CCDC178: variants seen among roughly 807,000 people sequenced by gnomAD.
The protein encoded by CCDC178 is coiled-coil domain containing 178.
A neutral mutation model predicts 117.4 loss-of-function variants in CCDC178; 126 were observed. The observed-to-expected ratio is 1.07, with a 90% CI of 0.93 to 1.24. The LOEUF (loss-of-function observed/expected upper bound fraction) is 1.24, where lower values mean the gene tolerates loss of function less well. Ranked by LOEUF, CCDC178 falls within the 50% of genes most tolerant of loss-of-function variation. CCDC178 has a pLI of 0.00. For missense variants in CCDC178, 1,030 were observed against 986.9 expected (o/e 1.04, Z -0.59); for synonymous variants, 283 against 313.4 (o/e 0.90, Z 1.02).
Position 32,937,703 on chromosome 18 carries a change from G to T in CCDC178, c.*308C>A, listed in dbSNP as rs562875346. ...GAAGCGAACAGTCACTGTCAACACC[G>T]CCAGTAATTATTCTCTCTTCCAATT... is the stretch of plus-strand genomic sequence containing the variant. On this transcript the variant is annotated 3_prime_UTR_variant, in exon 23 of 23. Transcript: ENST00000383096. 9.9e-6 allele frequency: 3 copies of T among 302,800 alleles called. No homozygotes were observed. Among genetic ancestry groups the T allele is most frequent in the Non-Finnish European group, 1.9e-5 (3 of 161,644 alleles). The allele number at this position is 302,800 out of a possible 1,614,324, so 18.8% of individuals were successfully genotyped here. A position where few individuals can be genotyped will look rare whatever the true frequency, so the allele number is the denominator to read the frequency against.
intron 21 of CCDC178, among the ~76,000 whole-genome samples, chr18:33,065,051 C>T (rs994018890): frequency 6.8e-6 from 1 of 147,548 alleles, no homozygotes; most frequent in Non-Finnish European, 1.5e-5. Context: ...AAAGAGTTGA[C>T]ATTGTAGAAG....
intron 4 of CCDC178, 142 bp from the exon 5 acceptor site, chr18:33,389,771 A>C: frequency 2.5e-6 from 1 of 407,912 alleles, no homozygotes; most frequent in East Asian, 3.9e-5. Flanking sequence ...ATTAATCAAA[A>C]TCCACAGTAG....
chr18:33,074,716 G>C (rs2057174665), intron 21 of CCDC178, among the ~76,000 whole-genome samples: 1 of 152,104 alleles, frequency 6.6e-6, no homozygotes. Context: ...AAATATGGTT[G>C]AGCTATTGAG....
chr18:33,221,495 G>A (rs759347842), intron 18 of CCDC178, among the ~76,000 whole-genome samples: 2 of 152,066 alleles, frequency 1.3e-5, no homozygotes, highest in African/African-American at 2.4e-5. Context: ...AATACTGGGC[G>A]GAAAGGCAAA....
chr18:33,400,854 T>A (rs1284996153), intron 3 of CCDC178, among the ~76,000 whole-genome samples: 1 of 152,238 alleles, frequency 6.6e-6, no homozygotes, highest in Non-Finnish European at 1.5e-5. Flanking sequence ...TTTCAGTCTA[T>A]CTCAGCTTTC....
intron 21 of CCDC178, among the ~76,000 whole-genome samples, chr18:32,996,508 C>T (rs2055511762): frequency 6.6e-6 from 1 of 151,720 alleles, no homozygotes. Flanking sequence ...ATATCCTCAG[C>T]TTATATTATA....
At chr18:33,332,670 G>A (rs2062685329) in intron 10 of CCDC178, among the ~76,000 whole-genome samples, 1 of 151,972 alleles carries the variant, frequency 6.6e-6, no homozygotes, top group African/African-American at 2.4e-5. Flanking sequence ...CAACCTCCAG[G>A]GGTCAAGCAA....
intron 9 of CCDC178, among the ~76,000 whole-genome samples, chr18:33,337,812 G>T (rs1352501211): frequency 1.3e-5 from 2 of 152,098 alleles, no homozygotes; most frequent in Non-Finnish European, 2.9e-5. Context: ...GATTCTAGAA[G>T]ATAACACTAG....
chr18:33,075,632 G>C (rs183808459), intron 21 of CCDC178, among the ~76,000 whole-genome samples: 1 of 152,118 alleles, frequency 6.6e-6, no homozygotes, highest in East Asian at 1.9e-4. Context: ...GAAATAACTT[G>C]ACTAGATACA....
At chr18:33,438,699 T>G (rs2144996447) in intron 2 of CCDC178, among the ~76,000 whole-genome samples, 1 of 152,158 alleles carries the variant, frequency 6.6e-6, no homozygotes, top group East Asian at 1.9e-4. Context: ...AAATAATCAG[T>G]CCAATTCTCT....
chr18:33,295,331 A>G (rs1182254244), intron 11 of CCDC178, among the ~76,000 whole-genome samples: 1 of 152,154 alleles, frequency 6.6e-6, no homozygotes. Context: ...CTAAATATAA[A>G]TTGTAAACCT....
intron 20 of CCDC178, among the ~76,000 whole-genome samples, chr18:33,094,365 T>C (rs1035074308): frequency 1.3e-5 from 2 of 152,008 alleles, no homozygotes; most frequent in Non-Finnish European, 2.9e-5. Context: ...AAGATAGCTA[T>C]ACTAATTTAA....
chr18:33,413,455 C>T (rs190699573), intron 2 of CCDC178, among the ~76,000 whole-genome samples: 1 of 151,380 alleles, frequency 6.6e-6, no homozygotes, highest in East Asian at 1.9e-4. Context: ...TCTTCTACTA[C>T]ACAAAATTAC....
intron 20 of CCDC178, among the ~76,000 whole-genome samples, chr18:33,117,470 C>T (rs539073901): frequency 2.0e-5 from 3 of 152,096 alleles, no homozygotes; most frequent in South Asian, 2.1e-4. Flanking sequence ...GGCAACATTC[C>T]CTGAGGTGAC....
At chr18:33,425,681 T>G (rs1207017862) in intron 2 of CCDC178, among the ~76,000 whole-genome samples, 1 of 152,178 alleles carries the variant, frequency 6.6e-6, no homozygotes, top group African/African-American at 2.4e-5. Context: ...CTGTGCTGCT[T>G]GAGTCTGTTC....
rs142690779 is a variant in CCDC178, at chr18:32,965,728, T to G, written c.2523+8819A>C. Among the ~76,000 whole-genome samples, 1,146 of 151,812 alleles carry G rather than the reference T, an allele frequency of 7.5e-3. 8 individuals carry two copies. Among genetic ancestry groups the G allele is most frequent in the African/African-American group, 0.016 (661 of 41,524 alleles). On this transcript the variant is annotated intron_variant, in intron 22 of 22. Transcript: ENST00000383096. ...TAGTCCTCAACAGAATATGAAAGTT[T>G]ACTTTTCTTTACACTATAATCACCA...
At chr18:33,052,796 AT>A (rs563867747) in intron 21 of CCDC178, among the ~76,000 whole-genome samples, 8 of 152,090 alleles carry the variant, frequency 5.3e-5, no homozygotes, top group South Asian at 2.1e-4. Context: ...ATTTAAAAAA[AT>A]TTTTTTTAAC....
intron 4 of CCDC178, among the ~76,000 whole-genome samples, chr18:33,393,019 A>G (rs1333939612): frequency 6.6e-6 from 1 of 152,184 alleles, no homozygotes; most frequent in Admixed American, 6.5e-5. Flanking sequence ...AGTGGAAAGC[A>G]TCATGGTCTT....
intron 5 of CCDC178, among the ~76,000 whole-genome samples, chr18:33,378,825 G>T (rs1011095649): frequency 6.6e-6 from 1 of 152,026 alleles, no homozygotes; most frequent in African/African-American, 2.4e-5. Context: ...ATGTGCTGCT[G>T]GATTCAGTTT....
Sources: gnomAD v4.1 joint callset for allele counts (sites outside exome capture counted in the v4.1 genomes callset) on GRCh38, gnomAD v4.1.1 for gene constraint, MANE v1.5 for transcripts, NCBI Gene and HGNC (gene_info 2026-07-23, HGNC 2026-07-21) for gene names.